UNC13C: variants seen among roughly 807,000 people sequenced by gnomAD.
UNC13C encodes protein unc-13 homolog C.
In UNC13C, 174 loss-of-function variants were observed where a neutral mutation model predicts 245.4. The observed-to-expected ratio is 0.71, with a 90% CI of 0.63 to 0.80. The LOEUF is 0.80. Among genes scored for constraint, UNC13C ranks in the 30% least tolerant of loss-of-function variants. The pLI is 0.00. For synonymous variants in UNC13C, 992 were observed against 895.1 expected, an observed-to-expected ratio of 1.11 and a Z score of -1.93; for missense variants, 2,829 against 2,602.9, an observed-to-expected ratio of 1.09 and a Z score of -1.89.
chr15:54,434,531 A>G (rs552308169), intron 19 of UNC13C, among the ~76,000 whole-genome samples: 9 of 152,264 alleles, frequency 5.9e-5, no homozygotes, highest in African/African-American at 2.2e-4. Context: ...GGCTAGCCAT[A>G]TGCAGAAAAC....
At chr15:54,198,815 C>G (rs1315499156) in intron 4 of UNC13C, among the ~76,000 whole-genome samples, 1 of 151,926 alleles carries the variant, frequency 6.6e-6, no homozygotes, top group Non-Finnish European at 1.5e-5. Context: ...TTAACACCCC[C>G]AAAAGATCAT....
intron 26 of UNC13C, among the ~76,000 whole-genome samples, chr15:54,544,068 C>A (rs1292318412): frequency 1.3e-5 from 2 of 152,168 alleles, no homozygotes; most frequent in Admixed American, 1.3e-4. Flanking sequence ...AAAACCAAAT[C>A]CAGCAGCACA....
At chr15:53,859,522 A>T in the UNC13C span, among the ~76,000 whole-genome samples, 1 of 152,354 alleles carries the variant, frequency 6.6e-6, no homozygotes, top group East Asian at 1.9e-4. Context: ...TCATTATTTT[A>T]TAAAACAGAG....
At chr15:53,964,016 C>CA in the UNC13C span, among the ~76,000 whole-genome samples, 1 of 152,064 alleles carries the variant, frequency 6.6e-6, no homozygotes, top group Non-Finnish European at 1.5e-5. Context: ...TGGCAAATCA[C>CA]AAACAGGCCC....
chr15:54,231,091 G>T (rs1271541062), intron 4 of UNC13C, among the ~76,000 whole-genome samples: 2 of 151,930 alleles, frequency 1.3e-5, no homozygotes, highest in Non-Finnish European at 2.9e-5. Flanking sequence ...ACTTGGGCAG[G>T]GGTCATTTGA....
intron 16 of UNC13C, among the ~76,000 whole-genome samples, chr15:54,337,161 G>A (rs34474095): frequency 0.25 from 38,471 of 151,934 alleles, 5,277 homozygotes; most frequent in Admixed American, 0.34. Context: ...AGCAGGGTGG[G>A]GGGTACTCTC....
At chr15:54,511,378 T>C (rs1045531267) in intron 23 of UNC13C, among the ~76,000 whole-genome samples, 20 of 113,656 alleles carry the variant, frequency 1.8e-4, no homozygotes, top group African/African-American at 6.1e-4. Context: ...TGGTATTTTC[T>C]TTTCTAAAAC....
At chr15:54,341,141 A>G (rs1420213843) in intron 17 of UNC13C, among the ~76,000 whole-genome samples, 1 of 152,204 alleles carries the variant, frequency 6.6e-6, no homozygotes, top group East Asian at 1.9e-4. Flanking sequence ...TTCTACTAAA[A>G]AGATAAATGC....
At chr15:53,924,907 C>A in the UNC13C span, among the ~76,000 whole-genome samples, 1 of 151,344 alleles carries the variant, frequency 6.6e-6, no homozygotes, top group Admixed American at 6.6e-5. Context: ...TGTTTATAAA[C>A]TATGTGTTTA....
intron 7 of UNC13C, among the ~76,000 whole-genome samples, chr15:54,245,248 T>C (rs997703198): frequency 6.6e-6 from 1 of 152,210 alleles, no homozygotes; most frequent in African/African-American, 2.4e-5. Flanking sequence ...ACATTTATAG[T>C]GCATAAAATC....
chr15:54,135,385 C>T (rs1223451245), intron 2 of UNC13C, among the ~76,000 whole-genome samples: 1 of 152,158 alleles, frequency 6.6e-6, no homozygotes, highest in Non-Finnish European at 1.5e-5. Context: ...CCGGCCAATA[C>T]GTTGCCAATG....
At chr15:54,505,275 C>T (rs1249582801) in intron 22 of UNC13C, among the ~76,000 whole-genome samples, 3 of 152,166 alleles carry the variant, frequency 2.0e-5, no homozygotes, top group African/African-American at 7.2e-5. Context: ...CAGGCCTTGC[C>T]AGGTGCCCCG....
At chr15:54,205,364 A>G (rs1182017173) in intron 4 of UNC13C, among the ~76,000 whole-genome samples, 4 of 151,916 alleles carry the variant, frequency 2.6e-5, no homozygotes, top group African/African-American at 4.8e-5. Flanking sequence ...CTAAAAGACA[A>G]TTTGTCTCAG....
At chr15:54,228,179 A>G (rs6493666) in intron 4 of UNC13C, among the ~76,000 whole-genome samples, 9,727 of 152,066 alleles carry the variant, frequency 0.064, 1,110 homozygotes, top group African/African-American at 0.22. Context: ...GTCAGCGTTC[A>G]TTCAAGGCCC....
intron 25 of UNC13C, among the ~76,000 whole-genome samples, chr15:54,526,660 C>T (rs144383208): frequency 0.055 from 7,943 of 145,304 alleles, 348 homozygotes; most frequent in Admixed American, 0.14. Flanking sequence ...AGGAGAATGG[C>T]GTGAACCCTG....
At chr15:54,553,366 A>T (rs1378938159) in intron 28 of UNC13C, among the ~76,000 whole-genome samples, 32 of 127,288 alleles carry the variant, frequency 2.5e-4, no homozygotes, top group Non-Finnish European at 4.7e-4. Context: ...AATATAATAT[A>T]TAATTATATT....
At chr15:54,003,739 G>T (rs1321704615) in intron 1 of UNC13C, among the ~76,000 whole-genome samples, 1 of 152,130 alleles carries the variant, frequency 6.6e-6, no homozygotes, top group African/African-American at 2.4e-5. Flanking sequence ...TAGGCCGGGC[G>T]CGGTGGCTTA....
At chr15:54,335,658 C>A (rs1298695795) in intron 16 of UNC13C, among the ~76,000 whole-genome samples, 2 of 152,116 alleles carry the variant, frequency 1.3e-5, no homozygotes, top group East Asian at 3.9e-4. Context: ...TGTAGCATAA[C>A]ACAATAGAGA....
chr15:54,055,722 C>T (rs1897483573), intron 2 of UNC13C, among the ~76,000 whole-genome samples: 1 of 152,080 alleles, frequency 6.6e-6, no homozygotes. Context: ...ATAAATTTAT[C>T]CCTACATTTG....
Sources: gnomAD v4.1 joint callset for allele counts (sites outside exome capture counted in the v4.1 genomes callset) on GRCh38, gnomAD v4.1.1 for gene constraint, MANE v1.5 for transcripts, NCBI Gene and HGNC (gene_info 2026-07-23, HGNC 2026-07-21) for gene names.